Variants in SLC41A2 observed in about 807,000 individuals in gnomAD.
The protein encoded by SLC41A2 is SLC41A1-like 1.
Under a neutral mutation model 58.3 loss-of-function variants are expected in SLC41A2, and 32 were observed. That is an observed-to-expected ratio of 0.55 (90% CI 0.41 to 0.74). SLC41A2 has a LOEUF of 0.74. Ranked by LOEUF, SLC41A2 falls within the 30% of genes least tolerant of loss-of-function variation. The pLI is 0.00. For missense variants in SLC41A2, 514 were observed against 680.6 expected, an observed-to-expected ratio of 0.76 and a Z score of 2.72; for synonymous variants, 190 against 235.0, an observed-to-expected ratio of 0.81 and a Z score of 1.75.
In SLC41A2 at chr12:104,820,890, T is replaced by C. The variant is rs548129018; in HGVS notation, c.1537-15553A>G. The stretch of plus-strand genomic sequence containing the variant: ...GAACTCCTGACCTCAGGTGATCCAC[T>C]CACCTCAGCCTCCCAAAGTGCTGGG... On this transcript the variant is annotated intron_variant, in intron 10 of 10. Coordinates refer to ENST00000258538, the MANE Select transcript of SLC41A2 (RefSeq NM_001352171.3). 6.8e-4 allele frequency among the ~76,000 whole-genome samples: 104 copies of C among 152,178 alleles called. No homozygotes were observed. In the South Asian group the frequency reaches 0.013, roughly 19 times the overall value.
intron 2 of SLC41A2, among the ~76,000 whole-genome samples, chr12:104,920,621 T>A (rs2046548421): frequency 6.6e-6 from 1 of 151,892 alleles, no homozygotes; most frequent in Non-Finnish European, 1.5e-5. Context: ...CGACAAAATT[T>A]TTTTTAAATT....
chr12:104,863,336 G>A (rs2043282595), intron 7 of SLC41A2, among the ~76,000 whole-genome samples: 2 of 152,104 alleles, frequency 1.3e-5, no homozygotes, highest in Non-Finnish European at 2.9e-5. Flanking sequence ...TCAAGAAACT[G>A]AGGCAGGAGG....
intron 6 of SLC41A2, among the ~76,000 whole-genome samples, chr12:104,878,595 G>A (rs1276041898): frequency 6.6e-6 from 1 of 151,974 alleles, no homozygotes; most frequent in Non-Finnish European, 1.5e-5. Context: ...AGTTTGCTCA[G>A]AATGATGGTT....
intron 2 of SLC41A2, among the ~76,000 whole-genome samples, chr12:104,913,436 A>G (rs1379189562): frequency 2.0e-5 from 3 of 152,144 alleles, no homozygotes; most frequent in Non-Finnish European, 2.9e-5. Flanking sequence ...TAGTTTCAGC[A>G]AAACAACTGA....
chr12:104,948,653 T>C (rs900001605), intron 1 of SLC41A2, among the ~76,000 whole-genome samples: 1 of 152,202 alleles, frequency 6.6e-6, no homozygotes, highest in Non-Finnish European at 1.5e-5. Flanking sequence ...AACCAGTTAA[T>C]GATAAGGAAG....
intron 8 of SLC41A2, among the ~76,000 whole-genome samples, chr12:104,857,281 A>G (rs573657047): frequency 1.1e-4 from 17 of 152,306 alleles, no homozygotes; most frequent in Admixed American, 2.6e-4. Context: ...AGATCTAGAA[A>G]TCCCAACACC....
At chr12:104,821,706 A>G (rs1432131590) in intron 10 of SLC41A2, among the ~76,000 whole-genome samples, 1 of 152,238 alleles carries the variant, frequency 6.6e-6, no homozygotes, top group Non-Finnish European at 1.5e-5. Flanking sequence ...ATAACAAGGG[A>G]AAACGTAGCC....
Position 104,861,371 on chromosome 12 carries a change from C to G in SLC41A2, c.1176-1G>C. On this transcript the variant is annotated splice_acceptor_variant, in intron 7 of 10. Transcript: ENST00000258538. LOFTEE classifies it high-confidence loss of function. ...TGTGTCCAGAATAAGGCCCCCAATGCTGAAAGAGATAAAATTATATAATTT... is the reference window on the plus strand; with the variant it reads ...TGTGTCCAGAATAAGGCCCCCAATGGTGAAAGAGATAAAATTATATAATTT... 1 of 1,608,972 alleles carries G rather than the reference C, an allele frequency of 6.2e-7. No individual in the cohort carries two copies. The highest frequency in any genetic ancestry group is 8.5e-7 in the Non-Finnish European group (1 of 1,176,086).
Position 104,889,191 on chromosome 12 carries a change from C to G in SLC41A2, c.736-14G>C. 1 of 1,597,670 alleles carries G rather than the reference C, an allele frequency of 6.3e-7. No homozygotes were observed. Among genetic ancestry groups the G allele is most frequent in the Non-Finnish European group, 8.5e-7 (1 of 1,175,706 alleles). On this transcript the variant is annotated splice_polypyrimidine_tract_variant and intron_variant, in intron 4 of 10. Transcript: ENST00000258538. ...TGTTGCCTGAACCTAAAATTTTTTT[C>G]ATAAATCCAACTGAATTATTCACTT... is the stretch of plus-strand genomic sequence containing the variant.
At chr12:104,926,520 G>A (rs897917237) in intron 2 of SLC41A2, among the ~76,000 whole-genome samples, 1 of 151,684 alleles carries the variant, frequency 6.6e-6, no homozygotes, top group Non-Finnish European at 1.5e-5. Flanking sequence ...CTTGGGAGGT[G>A]GAGATTGCAG....
At chr12:104,855,580 C>T (rs992757428) in intron 8 of SLC41A2, among the ~76,000 whole-genome samples, 16 of 152,168 alleles carry the variant, frequency 1.1e-4, no homozygotes, top group African/African-American at 3.9e-4. Context: ...TTGTTAATAA[C>T]ATTCTATTGT....
At chr12:104,820,973 G>A (rs975210991) in intron 10 of SLC41A2, among the ~76,000 whole-genome samples, 2 of 152,112 alleles carry the variant, frequency 1.3e-5, no homozygotes, top group African/African-American at 4.8e-5. Flanking sequence ...TATCACTCTT[G>A]ACTTTTTATT....
chr12:104,805,300 T>A lies in SLC41A2; in HGVS notation c.1574A>T (p.His525Leu). 6.2e-7 allele frequency: 1 copy of A among 1,613,776 alleles called. No individual in the cohort carries two copies. Among genetic ancestry groups the A allele is most frequent in the Non-Finnish European group, 8.5e-7 (1 of 1,179,810 alleles). Residue 525 changes from histidine (H) to leucine (L), a missense_variant, in exon 11 of 11, where the codon CAT (histidine) becomes CTT (leucine). Physicochemically the swap from His to Leu is moderately conservative, Grantham distance 99. Around this residue, in one of 3 missense-constraint regions of SLC41A2, gnomAD observed 128 missense variants for 146.0 expected, o/e 0.88. Coordinates refer to ENST00000258538, the MANE Select transcript of SLC41A2 (RefSeq NM_001352171.3). The stretch of plus-strand genomic sequence containing the variant: ...GTCCTTTCCTTTCCTCCAGAAGTGA[T>A]GGACCATCCAGTCAGCAATCCACAG... ...TLLWIADWMV[H>L]HFWRKGKDPD... is the part of the protein sequence containing the mutation.
At chr12:104,955,938 C>A (rs2048151774) in intron 1 of SLC41A2, among the ~76,000 whole-genome samples, 1 of 152,160 alleles carries the variant, frequency 6.6e-6, no homozygotes, top group African/African-American at 2.4e-5. Flanking sequence ...ACTGCACAAA[C>A]TTAAGAAAAC....
chr12:104,846,081 A>G, intron 8 of SLC41A2, 107 bp from the exon 9 acceptor site: 2 of 1,092,126 alleles, frequency 1.8e-6, no homozygotes, highest in Non-Finnish European at 2.6e-6. Flanking sequence ...CAATAAAACA[A>G]AATAAAGAGT....
chr12:104,884,729 T>C (rs537115720), intron 6 of SLC41A2, among the ~76,000 whole-genome samples: 1 of 152,366 alleles, frequency 6.6e-6, no homozygotes, highest in East Asian at 1.9e-4. Flanking sequence ...CTCATGCCGT[T>C]ACTGGCTTTC....
Position 104,928,552 on chromosome 12 carries a change from C to T in SLC41A2, c.-25G>A. On this transcript the variant is annotated 5_prime_UTR_variant, in exon 2 of 11. Coordinates refer to ENST00000258538, the MANE Select transcript of SLC41A2 (RefSeq NM_001352171.3). The stretch of plus-strand genomic sequence containing the variant: ...TATTGTCATCACAAAAGACCCTGTA[C>T]TCCTTAGATCTCAAGCTTCGGGAAC... 1 of 1,398,610 alleles carries T rather than the reference C, an allele frequency of 7.1e-7. No homozygotes were observed. Among genetic ancestry groups the T allele is most frequent in the Non-Finnish European group, 9.4e-7 (1 of 1,062,166 alleles). The allele number at this position is 1,398,610 out of a possible 1,614,324, so 86.6% of individuals were successfully genotyped here.
intron 3 of SLC41A2, among the ~76,000 whole-genome samples, chr12:104,902,045 T>G (rs146715670): frequency 6.6e-6 from 1 of 152,202 alleles, no homozygotes; most frequent in Non-Finnish European, 1.5e-5. Context: ...TGGCCTTCTA[T>G]AGCTATAATT....
chr12:104,926,853 A>G (rs1038658993), intron 2 of SLC41A2, among the ~76,000 whole-genome samples: 7 of 152,174 alleles, frequency 4.6e-5, no homozygotes, highest in Non-Finnish European at 8.8e-5. Context: ...GGAAAGGCCA[A>G]GGTGGGAGGA....
Sources: allele counts gnomAD v4.1 joint callset (sites outside exome capture counted in the v4.1 genomes callset), GRCh38; gene constraint gnomAD v4.1.1; regional missense constraint gnomAD v4.1.1; transcripts MANE v1.5; gene names NCBI Gene and HGNC (gene_info 2026-07-23, HGNC 2026-07-21).